KSR2: variants seen among roughly 807,000 people sequenced by gnomAD.
KSR2 encodes the protein kinase suppressor of ras 2.
Under a neutral mutation model 107.8 loss-of-function variants are expected in KSR2, and 25 were observed. The observed-to-expected ratio is 0.23, with a 90% CI of 0.17 to 0.32. KSR2 has a LOEUF of 0.32. Ranked by LOEUF, KSR2 falls within the 10% of genes least tolerant of loss-of-function variation. The pLI is 1.00. For missense variants in KSR2, 887 were observed against 1,268.9 expected (o/e 0.70, Z 4.57); for synonymous variants, 480 against 507.0 (o/e 0.95, Z 0.71).
intron 5 of KSR2, among the ~76,000 whole-genome samples, chr12:117,643,809 G>GC (rs1883491251): frequency 6.6e-6 from 1 of 152,212 alleles, no homozygotes; most frequent in African/African-American, 2.4e-5. Flanking sequence ...CACAGAACCA[G>GC]CATTTAGGAA....
chr12:117,476,607 A>C lies in KSR2; in HGVS notation c.2451-12T>G. ...GTTTGTCCTCCCGCCTGGAGAAGCAAAGCACAGGATGAGCTCTGTTTCATA... is the reference window on the plus strand; with the variant it reads ...GTTTGTCCTCCCGCCTGGAGAAGCACAGCACAGGATGAGCTCTGTTTCATA... On this transcript the variant is annotated splice_polypyrimidine_tract_variant and intron_variant, in intron 16 of 19. Coordinates refer to ENST00000339824, the MANE Select transcript of KSR2 (RefSeq NM_173598.6). 1.2e-6 allele frequency: 2 copies of C among 1,607,172 alleles called. No individual in the cohort carries two copies. Among genetic ancestry groups the C allele is most frequent in the Non-Finnish European group, 1.7e-6 (2 of 1,176,832 alleles).
chr12:117,504,955 T>C (rs1449754453), intron 14 of KSR2, among the ~76,000 whole-genome samples: 1 of 152,198 alleles, frequency 6.6e-6, no homozygotes, highest in East Asian at 1.9e-4. Context: ...TATATCACTC[T>C]GTATGCCTTT....
intron 3 of KSR2, among the ~76,000 whole-genome samples, chr12:117,794,580 T>C (rs1277314548): frequency 9.3e-5 from 10 of 107,856 alleles, no homozygotes; most frequent in African/African-American, 1.5e-4. Flanking sequence ...CATGCACACA[T>C]ACATCAACAT....
At chr12:117,514,666 A>T (rs1227317773) in intron 14 of KSR2, among the ~76,000 whole-genome samples, 1 of 150,530 alleles carries the variant, frequency 6.6e-6, no homozygotes, top group Non-Finnish European at 1.5e-5. Flanking sequence ...CTTCTGTCTC[A>T]GCCTCCCAAC....
intron 7 of KSR2, among the ~76,000 whole-genome samples, chr12:117,566,954 C>T (rs183432318): frequency 1.6e-4 from 24 of 152,194 alleles, no homozygotes; most frequent in South Asian, 4.1e-4. Context: ...TGTCAAGAAC[C>T]GCTCTCTCTG....
chr12:117,510,821 T>C (rs889392040), intron 14 of KSR2, among the ~76,000 whole-genome samples: 1 of 144,942 alleles, frequency 6.9e-6, no homozygotes, highest in African/African-American at 2.6e-5. Context: ...GAGGTTGCAG[T>C]GAGCTGAGAT....
At chr12:117,758,502 C>A (rs1888875960) in intron 4 of KSR2, among the ~76,000 whole-genome samples, 1 of 152,158 alleles carries the variant, frequency 6.6e-6, no homozygotes, top group Non-Finnish European at 1.5e-5. Flanking sequence ...ACCACAGCAT[C>A]CCCCAAGGTG....
At chr12:117,762,563 C>T (rs1187710940) in intron 3 of KSR2, among the ~76,000 whole-genome samples, 2 of 152,026 alleles carry the variant, frequency 1.3e-5, no homozygotes, top group Non-Finnish European at 2.9e-5. Context: ...AACAGAATGA[C>T]GTGATAAAAA....
chr12:117,521,651 C>T (rs772691729), intron 14 of KSR2, among the ~76,000 whole-genome samples: 2 of 152,126 alleles, frequency 1.3e-5, no homozygotes, highest in Non-Finnish European at 2.9e-5. Flanking sequence ...TTGTTAACTT[C>T]GATGATAATT....
At chr12:117,956,825 C>T (rs1789890741) in intron 1 of KSR2, among the ~76,000 whole-genome samples, 1 of 152,082 alleles carries the variant, frequency 6.6e-6, no homozygotes. Context: ...TTGACACTAA[C>T]AGCACATTTC....
intron 5 of KSR2, among the ~76,000 whole-genome samples, chr12:117,630,378 T>TGTGTATGTGTGTGTGCAC (rs1387023706): frequency 6.6e-6 from 1 of 150,934 alleles, no homozygotes; most frequent in Non-Finnish European, 1.5e-5. Context: ...TGTGTGTGCA[T>TGTGTATGTGTGTGTGCAC]GTGTATGTGT....
At chr12:117,714,205 TG>T (rs2136665347) in intron 4 of KSR2, among the ~76,000 whole-genome samples, 1 of 152,000 alleles carries the variant, frequency 6.6e-6, no homozygotes, top group African/African-American at 2.4e-5. Context: ...GAGCGGCAGG[TG>T]GAACTCTTTC....
intron 17 of KSR2, among the ~76,000 whole-genome samples, chr12:117,475,055 A>T (rs1175276049): frequency 6.6e-6 from 1 of 152,068 alleles, no homozygotes; most frequent in African/African-American, 2.4e-5. Context: ...TTTCATACCC[A>T]CAGGCTCTGA....
intron 3 of KSR2, among the ~76,000 whole-genome samples, chr12:117,826,706 GCACA>G (rs10560304): frequency 0.081 from 11,980 of 148,754 alleles, 1,478 homozygotes; most frequent in African/African-American, 0.26. Flanking sequence ...ATACACACAT[GCACA>G]CACACACACA....
intron 5 of KSR2, among the ~76,000 whole-genome samples, chr12:117,640,364 C>A (rs2136401755): frequency 6.6e-6 from 1 of 152,234 alleles, no homozygotes; most frequent in East Asian, 1.9e-4. Flanking sequence ...GACTCTCCCA[C>A]CTCAGCCTCC....
intron 1 of KSR2, among the ~76,000 whole-genome samples, chr12:117,962,800 C>CA (rs531801701): frequency 0.01 from 1,477 of 146,554 alleles, 14 homozygotes; most frequent in Middle Eastern, 0.067. Flanking sequence ...CTATAAACAT[C>CA]AAAAAAAAAA....
At chr12:117,631,957 G>A (rs1357943308) in intron 5 of KSR2, among the ~76,000 whole-genome samples, 1 of 152,138 alleles carries the variant, frequency 6.6e-6, no homozygotes, top group Non-Finnish European at 1.5e-5. Context: ...CTGGTATCAG[G>A]ATGGAGTAAT....
intron 4 of KSR2, among the ~76,000 whole-genome samples, chr12:117,756,007 G>A (rs529431882): frequency 1.7e-4 from 26 of 152,272 alleles, no homozygotes; most frequent in Non-Finnish European, 2.9e-5. Context: ...TTCTATGAAG[G>A]CTGAGAGAGG....
chr12:117,609,488 G>C (rs1881471915), intron 5 of KSR2, among the ~76,000 whole-genome samples: 1 of 152,136 alleles, frequency 6.6e-6, no homozygotes, highest in Non-Finnish European at 1.5e-5. Flanking sequence ...ATCTTAAAAT[G>C]GTTTTACATT....
Sources: allele counts gnomAD v4.1 joint callset (sites outside exome capture counted in the v4.1 genomes callset), GRCh38; gene constraint gnomAD v4.1.1; transcripts MANE v1.5; gene names NCBI Gene and HGNC (gene_info 2026-07-23, HGNC 2026-07-21).